The following ACOXL variants were observed in gnomAD, a reference collection of about 807,000 sequenced individuals.
The protein encoded by ACOXL is acyl-coenzyme A oxidase-like protein.
ACOXL carries 70 observed loss-of-function variants against 71.9 expected under a neutral mutation model. The ratio of observed to expected loss-of-function variants is 0.97; its 90% CI spans 0.80 to 1.19. ACOXL has a LOEUF of 1.19. Among genes scored for constraint, ACOXL ranks in the 50% most tolerant of loss-of-function variants. ACOXL has a pLI of 0.00. For missense variants in ACOXL, 703 were observed against 736.3 expected (o/e 0.95, Z 0.52); for synonymous variants, 253 against 281.6 (o/e 0.90, Z 1.02).
intron 12 of ACOXL, among the ~76,000 whole-genome samples, chr2:110,959,179 G>A (rs1243058011): frequency 6.6e-6 from 1 of 152,204 alleles, no homozygotes; most frequent in Non-Finnish European, 1.5e-5. Context: ...GTTAATTGAG[G>A]ATGGCAGGGC....
intron 11 of ACOXL, among the ~76,000 whole-genome samples, chr2:110,915,350 ATGTGTGTGTGTGTG>A (rs3059185): frequency 0.021 from 2,433 of 113,600 alleles, 94 homozygotes; most frequent in African/African-American, 0.071. Flanking sequence ...ATATATATAT[ATGTGTGTGTGTGTG>A]TGTGTGTGTG....
chr2:111,113,492 C>G (rs1300408756), intron 17 of ACOXL, among the ~76,000 whole-genome samples: 3 of 152,214 alleles, frequency 2.0e-5, no homozygotes, highest in Non-Finnish European at 2.9e-5. Context: ...CAGACTAAGT[C>G]AAAGACAGCT....
intron 17 of ACOXL, chr2:111,101,230 G>C (rs988865021): frequency 6.6e-6 from 1 of 152,436 alleles, no homozygotes; most frequent in East Asian, 1.9e-4. Flanking sequence ...GTGTCACAAA[G>C]GCTTGTGATT....
At chr2:110,850,550 G>A (rs1692480391) in intron 10 of ACOXL, among the ~76,000 whole-genome samples, 1 of 152,096 alleles carries the variant, frequency 6.6e-6, no homozygotes, top group Non-Finnish European at 1.5e-5. Context: ...GCAAATTAAG[G>A]TAGAATGAGA....
At chr2:110,846,794 G>A (rs530717114) in intron 10 of ACOXL, among the ~76,000 whole-genome samples, 2 of 151,744 alleles carry the variant, frequency 1.3e-5, no homozygotes, top group African/African-American at 4.8e-5. Context: ...TGTTGGGGGG[G>A]GTGTATGTGT....
rs117092537 is a variant in ACOXL at position 110,983,515 on chromosome 2, A to C, written c.1060-3593A>C. On this transcript the variant is annotated intron_variant, in intron 12 of 17. Transcript: ENST00000439055. ...GACTGCTCACTCACCCTAGAGTTCT[A>C]CTAAGAAAGGGGCTCCTGAGCAGGT... Among the ~76,000 whole-genome samples the C allele has an allele frequency of 2.6e-3, 394 of 152,274 alleles. 9 individuals carry two copies. The East Asian group carries it at 0.049, about 19-fold the overall frequency.
chr2:110,802,107 GCA>G (rs924506053), intron 8 of ACOXL, among the ~76,000 whole-genome samples: 10 of 152,170 alleles, frequency 6.6e-5, no homozygotes, highest in African/African-American at 2.4e-4. Flanking sequence ...GTAATGCTAA[GCA>G]CACACATGCA....
intron 10 of ACOXL, among the ~76,000 whole-genome samples, chr2:110,859,749 G>T (rs751622074): frequency 1.3e-5 from 2 of 152,148 alleles, no homozygotes; most frequent in Non-Finnish European, 2.9e-5. Flanking sequence ...CTCACCAGGC[G>T]CTTGGCACCC....
intron 14 of ACOXL, among the ~76,000 whole-genome samples, chr2:111,024,799 G>A (rs2064943277): frequency 6.6e-6 from 1 of 151,896 alleles, no homozygotes; most frequent in African/African-American, 2.4e-5. Context: ...CATTGGCAAG[G>A]GAGGTTACAT....
intron 16 of ACOXL, among the ~76,000 whole-genome samples, chr2:111,068,608 G>A (rs2067187175): frequency 6.6e-6 from 1 of 152,214 alleles, no homozygotes; most frequent in African/African-American, 2.4e-5. Context: ...GCAGAGGATA[G>A]GAGGAAGCTT....
At chr2:110,892,935 C>T (rs1221465044) in intron 10 of ACOXL, among the ~76,000 whole-genome samples, 1 of 152,176 alleles carries the variant, frequency 6.6e-6, no homozygotes, top group Non-Finnish European at 1.5e-5. Context: ...GTGGCACTTG[C>T]TGCAGTTAAC....
At chr2:110,804,485 T>C (rs1472885758) in intron 8 of ACOXL, among the ~76,000 whole-genome samples, 1 of 152,194 alleles carries the variant, frequency 6.6e-6, no homozygotes, top group Non-Finnish European at 1.5e-5. Flanking sequence ...GAAAACGTTG[T>C]CTACAAGAGA....
chr2:110,855,001 T>A (rs1329412987), intron 10 of ACOXL, among the ~76,000 whole-genome samples: 2 of 152,246 alleles, frequency 1.3e-5, no homozygotes, highest in Admixed American at 1.3e-4. Context: ...GGACTTGTCT[T>A]GTTTGAAAGG....
intron 1 of ACOXL, among the ~76,000 whole-genome samples, chr2:110,758,275 T>C (rs1267790144): frequency 6.6e-6 from 1 of 152,214 alleles, no homozygotes; most frequent in South Asian, 2.1e-4. Context: ...ACCAGTATCA[T>C]GCTGTTTTAG....
In ACOXL at chr2:110,981,747, T is replaced by A. The variant is rs1482805824; in HGVS notation, c.1060-5361T>A. On this transcript the variant is annotated intron_variant, in intron 12 of 17. Coordinates refer to ENST00000439055, the MANE Select transcript of ACOXL (RefSeq NM_001142807.4). ...CCACTTTTAACTTGCTGTGCTTCTG[T>A]ACCTGTCATGTTCTTTACAGGTCCC... 3.9e-5 allele frequency among the ~76,000 whole-genome samples: 6 copies of A among 152,224 alleles called. No individual in the cohort carries two copies. The South Asian group carries it at 1.2e-3, about 31-fold the overall frequency.
At chr2:110,775,995 G>T (rs894741847) in intron 2 of ACOXL, among the ~76,000 whole-genome samples, 1 of 152,088 alleles carries the variant, frequency 6.6e-6, no homozygotes, top group African/African-American at 2.4e-5. Context: ...ATAGCCAAAA[G>T]GTAGAAACAA....
At chr2:110,777,155 T>G (rs1362591057) in intron 2 of ACOXL, among the ~76,000 whole-genome samples, 1 of 152,038 alleles carries the variant, frequency 6.6e-6, no homozygotes, top group African/African-American at 2.4e-5. Context: ...TAAACATGTT[T>G]GCGATGTTTA....
chr2:111,029,227 C>A (rs905747126), intron 14 of ACOXL, among the ~76,000 whole-genome samples: 2 of 152,090 alleles, frequency 1.3e-5, no homozygotes, highest in African/African-American at 4.8e-5. Context: ...CAAAGAACAG[C>A]CATATCATTT....
At chr2:110,950,816 A>G (rs1489303377) in intron 12 of ACOXL, among the ~76,000 whole-genome samples, 1 of 151,334 alleles carries the variant, frequency 6.6e-6, no homozygotes, top group Admixed American at 6.6e-5. Context: ...GGGTGGAGAG[A>G]GAGAGAGAGA....
Sources: gnomAD v4.1 joint callset for allele counts (sites outside exome capture counted in the v4.1 genomes callset) on GRCh38, gnomAD v4.1.1 for gene constraint, MANE v1.5 for transcripts, NCBI Gene and HGNC (gene_info 2026-07-23, HGNC 2026-07-21) for gene names.